The following ADGRL2 variants were observed in gnomAD, a reference collection of about 807,000 sequenced individuals.
ADGRL2 encodes calcium-independent alpha-latrotoxin receptor 2.
ADGRL2 carries 44 observed loss-of-function variants against 157.4 expected under a neutral mutation model. The ratio of observed to expected loss-of-function variants is 0.28; its 90% CI spans 0.22 to 0.36. The LOEUF is 0.36. Ranked by LOEUF, ADGRL2 falls within the 10% of genes least tolerant of loss-of-function variation. The pLI is 1.00. For missense variants in ADGRL2, 1,510 were observed against 1,768.9 expected, an observed-to-expected ratio of 0.85 and a Z score of 2.63; for synonymous variants, 585 against 624.7, an observed-to-expected ratio of 0.94 and a Z score of 0.95.
At chr1:81,374,021 C>T (rs1360797923) in intron 1 of ADGRL2, among the ~76,000 whole-genome samples, 1 of 152,102 alleles carries the variant, frequency 6.6e-6, no homozygotes, top group Admixed American at 6.5e-5. Context: ...GGCAGATAAG[C>T]AGCAATAGAT....
rs553597963 is a variant in ADGRL2, at chr1:81,783,479, ATCT to A, written c.-101+21635_-101+21637del. On this transcript the variant is annotated intron_variant, in intron 2 of 20. Transcript: ENST00000359929. ...ATTTTTTTATTTTTTCTTTGCCTCTATCTTCTTCTTATTTTTATCTCTTGTTGT... is the reference window on the plus strand; with the variant it reads ...ATTTTTTTATTTTTTCTTTGCCTCTATCTTCTTATTTTTATCTCTTGTTGT... Among the ~76,000 whole-genome samples the A allele has an allele frequency of 1.5e-3, 229 of 151,858 alleles. 1 individual carries two copies. The highest frequency in any genetic ancestry group is 0.014 in the South Asian group (67 of 4,816).
At chr1:81,466,449 C>T (rs547829901) in intron 2 of ADGRL2, among the ~76,000 whole-genome samples, 13 of 152,260 alleles carry the variant, frequency 8.5e-5, no homozygotes, top group African/African-American at 2.9e-4. Flanking sequence ...GACCCTGCTC[C>T]AGTGACTGCC....
At chr1:81,488,758 C>T (rs1450280495) in intron 2 of ADGRL2, among the ~76,000 whole-genome samples, 2 of 151,432 alleles carry the variant, frequency 1.3e-5, no homozygotes, top group Non-Finnish European at 2.9e-5. Context: ...ATGAGTCGTA[C>T]AAAGAAGCAG....
rs1647228540 is a variant in ADGRL2, at chr1:81,939,755, T to C, written c.398-2279T>C. Among the ~76,000 whole-genome samples, 3 of 151,388 alleles carry C rather than the reference T, an allele frequency of 2.0e-5. No homozygotes were observed. The Admixed American group carries it at 2.0e-4, about 10-fold the overall frequency. On this transcript the variant is annotated intron_variant, in intron 4 of 23. Transcript: ENST00000686636. ...TTGGCATGTGATAGAGAATACTGAT[T>C]ATATTAATTTTATTGTATTTTTGTA...
intron 2 of ADGRL2, among the ~76,000 whole-genome samples, chr1:81,512,516 T>C (rs949730929): frequency 3.0e-4 from 45 of 152,314 alleles, no homozygotes; most frequent in African/African-American, 1.1e-3. Flanking sequence ...ATGTTAAATA[T>C]GCAGAAAGCT....
At chr1:81,745,720 C>A (rs1468135768) in intron 1 of ADGRL2, among the ~76,000 whole-genome samples, 2 of 152,022 alleles carry the variant, frequency 1.3e-5, no homozygotes, top group Non-Finnish European at 2.9e-5. Flanking sequence ...ACAACAAATA[C>A]CCTGCAATAT....
intron 2 of ADGRL2, among the ~76,000 whole-genome samples, chr1:81,448,164 A>T (rs1407641611): frequency 1.7e-4 from 9 of 52,616 alleles, no homozygotes; most frequent in South Asian, 6.4e-4. Flanking sequence ...TTTTTTTTTG[A>T]GACAGAGTCT....
chr1:81,639,700 T>C (rs2082182198), intron 3 of ADGRL2, among the ~76,000 whole-genome samples: 1 of 152,168 alleles, frequency 6.6e-6, no homozygotes, highest in South Asian at 2.1e-4. Flanking sequence ...GGGTCTATTT[T>C]TTCCAAGAAG....
intron 1 of ADGRL2, among the ~76,000 whole-genome samples, chr1:81,327,766 G>T (rs1355076708): frequency 6.6e-6 from 1 of 152,058 alleles, no homozygotes; most frequent in Non-Finnish European, 1.5e-5. Context: ...CTATGACTTT[G>T]CTCTTGTATA....
chr1:81,375,944 G>A (rs887072486), intron 1 of ADGRL2, among the ~76,000 whole-genome samples: 34 of 151,500 alleles, frequency 2.2e-4, no homozygotes, highest in Non-Finnish European at 7.4e-5. Flanking sequence ...ACCCATATTC[G>A]GTCTTATACT....
chr1:81,622,495 C>A (rs202118961), intron 3 of ADGRL2, among the ~76,000 whole-genome samples: 1 of 152,174 alleles, frequency 6.6e-6, no homozygotes, highest in Non-Finnish European at 1.5e-5. Flanking sequence ...GCAGGAGAAT[C>A]GCTTGAACCT....
At chr1:81,679,849 A>G (rs2083072461) in intron 3 of ADGRL2, among the ~76,000 whole-genome samples, 1 of 152,172 alleles carries the variant, frequency 6.6e-6, no homozygotes, top group South Asian at 2.1e-4. Flanking sequence ...TTTAGCAGTC[A>G]CTAAGCAGAG....
intron 3 of ADGRL2, among the ~76,000 whole-genome samples, chr1:81,924,635 A>G (rs569889393): frequency 1.0e-3 from 158 of 152,186 alleles, no homozygotes; most frequent in African/African-American, 3.7e-3. Flanking sequence ...GAAGAATTAT[A>G]TTAGATCGGT....
chr1:81,675,721 A>G (rs2082973341), intron 3 of ADGRL2, among the ~76,000 whole-genome samples: 1 of 151,956 alleles, frequency 6.6e-6, no homozygotes, highest in Admixed American at 6.6e-5. Flanking sequence ...AGCTGGGATT[A>G]CAGGCGTGTG....
intron 2 of ADGRL2, chr1:81,503,599 G>T (rs1108500): frequency 0.14 from 138,591 of 1,004,442 alleles, 9,129 homozygotes; most frequent in African/African-American, 0.17. Context: ...GAGTTTGGAC[G>T]TGTCCGTCTG....
At chr1:81,891,510 A>G (rs1019345576) in intron 2 of ADGRL2, among the ~76,000 whole-genome samples, 6 of 152,152 alleles carry the variant, frequency 3.9e-5, no homozygotes, top group Middle Eastern at 3.2e-3. Flanking sequence ...GTAATTTGAT[A>G]GGAGAAAATG....
rs72715741 is a variant in ADGRL2, at chr1:81,726,849, T to C, written c.-143+27041T>C. On this transcript the variant is annotated intron_variant, in intron 1 of 20. Transcript: ENST00000359929. ...GGACAGATAACTGTTCAGGCCTGAA[T>C]AAGAATCCATCCTAAGCTATCATTA... is the stretch of plus-strand genomic sequence containing the variant. Among the ~76,000 whole-genome samples the C allele has an allele frequency of 3.6e-3, 555 of 152,352 alleles. 3 individuals carry two copies. The highest frequency in any genetic ancestry group is 3.1e-3 in the Non-Finnish European group (213 of 68,026).
chr1:81,925,986 T>G, intron 3 of ADGRL2, among the ~76,000 whole-genome samples: 1 of 152,054 alleles, frequency 6.6e-6, no homozygotes, highest in East Asian at 1.9e-4. Context: ...AAATCTAGTT[T>G]ACTCAATTCT....
intron 2 of ADGRL2, among the ~76,000 whole-genome samples, chr1:81,791,632 G>GA (rs1415883789): frequency 1.3e-5 from 2 of 150,718 alleles, no homozygotes; most frequent in Middle Eastern, 3.4e-3. Context: ...TCCAAAAAAA[G>GA]AAAAAAAAGG....
Sources: gnomAD v4.1 joint callset for allele counts (sites outside exome capture counted in the v4.1 genomes callset) on GRCh38, gnomAD v4.1.1 for gene constraint, MANE v1.5 for transcripts, NCBI Gene and HGNC (gene_info 2026-07-23, HGNC 2026-07-21) for gene names.